Variants in MPDZ observed in about 807,000 individuals in gnomAD.
MPDZ encodes the protein multiple PDZ domain crumbs cell polarity complex component.
Under a neutral mutation model 239.1 loss-of-function variants are expected in MPDZ, and 234 were observed. The ratio of observed to expected loss-of-function variants is 0.98; its 90% CI spans 0.88 to 1.09. MPDZ has a LOEUF of 1.09. Ranked by LOEUF, MPDZ falls within the 50% of genes least tolerant of loss-of-function variation. The pLI, the probability that MPDZ is intolerant of heterozygous loss-of-function variation, is 0.00. For missense variants in MPDZ, 3,175 were observed against 2,510.0 expected, an observed-to-expected ratio of 1.26 and a Z score of -5.66; for synonymous variants, 1,048 against 881.3, an observed-to-expected ratio of 1.19 and a Z score of -3.35.
chr9:13,218,566 C>A (rs529359979), intron 8 of MPDZ, among the ~76,000 whole-genome samples: 3 of 151,788 alleles, frequency 2.0e-5, no homozygotes, highest in African/African-American at 7.2e-5. Context: ...AAATAGCAAC[C>A]AAATTCAATC....
chr9:13,229,769 G>A (rs1462851138), intron 3 of MPDZ, among the ~76,000 whole-genome samples: 1 of 152,048 alleles, frequency 6.6e-6, no homozygotes, highest in African/African-American at 2.4e-5. Flanking sequence ...CCTTAAACCA[G>A]TAAATAATTT....
chr9:13,253,771 G>T (rs574132662), intron 1 of MPDZ, among the ~76,000 whole-genome samples: 2 of 152,294 alleles, frequency 1.3e-5, no homozygotes, highest in South Asian at 4.1e-4. Flanking sequence ...AAAGAGATGA[G>T]CTATGGATAT....
intron 3 of MPDZ, among the ~76,000 whole-genome samples, chr9:13,230,146 C>T (rs866265008): frequency 1.6e-4 from 25 of 152,074 alleles, no homozygotes; most frequent in African/African-American, 4.6e-4. Context: ...AATATCACTG[C>T]GTACCTATCA....
Position 13,115,233 on chromosome 9 carries a change from T to A in MPDZ, c.5466+15A>T, listed in dbSNP as rs759821132. 6.2e-7 allele frequency: 1 copy of A among 1,608,634 alleles called. No homozygotes were observed. The highest frequency in any genetic ancestry group is 1.7e-5 in the Admixed American group (1 of 59,890). ...TGCCGATTGCATCGCCCTGATGAAC[T>A]CCACAGCTACCCACCTGGCTGCTTT... On this transcript the variant is annotated intron_variant, in intron 40 of 46. Transcript: ENST00000319217.
At chr9:13,261,976 T>C (rs1425895443) in intron 1 of MPDZ, among the ~76,000 whole-genome samples, 5 of 151,720 alleles carry the variant, frequency 3.3e-5, no homozygotes, top group Non-Finnish European at 4.4e-5. Context: ...GCCCAGGAGA[T>C]TGAGGCTATA....
intron 3 of MPDZ, among the ~76,000 whole-genome samples, chr9:13,243,994 C>T (rs1423036299): frequency 6.6e-6 from 1 of 152,164 alleles, no homozygotes; most frequent in Non-Finnish European, 1.5e-5. Flanking sequence ...ATTATTTCTC[C>T]AATCTTGGAA....
intron 1 of MPDZ, chr9:13,274,375 G>C (rs190768034): frequency 2.8e-4 from 42 of 151,432 alleles, no homozygotes; most frequent in African/African-American, 9.9e-4. Flanking sequence ...AGGCAGAGTG[G>C]TTTACAAGAA....
At chr9:13,248,447 A>G (rs1295989676) in intron 2 of MPDZ, among the ~76,000 whole-genome samples, 2 of 152,168 alleles carry the variant, frequency 1.3e-5, no homozygotes, top group African/African-American at 4.8e-5. Flanking sequence ...TTGAGTAACT[A>G]TGTCCTACTA....
chr9:13,161,798 C>G (rs1241770000), intron 23 of MPDZ, among the ~76,000 whole-genome samples: 4 of 152,106 alleles, frequency 2.6e-5, no homozygotes, highest in Non-Finnish European at 5.9e-5. Flanking sequence ...AGCATCAAAA[C>G]CCAGTTCCTG....
chr9:13,230,633 AAT>A (rs1216978754), intron 3 of MPDZ, among the ~76,000 whole-genome samples: 2 of 152,160 alleles, frequency 1.3e-5, no homozygotes, highest in Non-Finnish European at 2.9e-5. Flanking sequence ...AAAGTGGTTA[AAT>A]ATGACTATAA....
rs764834512 is a variant in MPDZ, at chr9:13,123,176, C to G, written c.4930G>C (p.Val1644Leu). ...ACCAGCAGCGTGTCTGAACCCCCAA[C>G]GATGCTCAGGCCCAGCCCTGTTCGC... ...KGRTGLGLSI[V>L]GGSDTLLGAI... The change falls in exon 36 of 47, where the codon GTT (valine) becomes CTT (leucine). Residue 1644 changes from valine to leucine, a missense_variant. Val to Leu is a conservative substitution (Grantham distance 32). Coordinates refer to ENST00000319217, the MANE Select transcript of MPDZ (RefSeq NM_001378778.1). The G allele has an allele frequency of 6.2e-7, 1 of 1,612,588 alleles. No homozygotes were observed.
Position 13,150,504 on chromosome 9 carries a change from A to C in MPDZ, c.3630+7T>G, listed in dbSNP as rs779929274. The C allele has an allele frequency of 1.3e-6, 2 of 1,526,590 alleles. No individual in the cohort carries two copies. Among genetic ancestry groups the C allele is most frequent in the African/African-American group, 2.8e-5 (2 of 71,552 alleles). 94.6% of individuals were successfully genotyped at this position (1,526,590 alleles called of 1,614,324 possible). ...AATTTTAGCACAGAAAGCTCACTAGAGGGTACCTCTACGATTCTATCTCCA... is the reference window on the plus strand; with the variant it reads ...AATTTTAGCACAGAAAGCTCACTAGCGGGTACCTCTACGATTCTATCTCCA... On this transcript the variant is annotated splice_region_variant and intron_variant, in intron 25 of 46. Transcript: ENST00000319217.
At chr9:13,220,181 A>G (rs1958917163) in intron 7 of MPDZ, among the ~76,000 whole-genome samples, 1 of 152,020 alleles carries the variant, frequency 6.6e-6, no homozygotes, top group Non-Finnish European at 1.5e-5. Context: ...AGAAAGCATT[A>G]TATTAATATC....
chr9:13,177,179 T>C (rs1334881565), intron 19 of MPDZ, among the ~76,000 whole-genome samples: 3 of 152,144 alleles, frequency 2.0e-5, no homozygotes, highest in Non-Finnish European at 4.4e-5. Context: ...CTTGAGTGCT[T>C]TGGGAAAGCA....
At chr9:13,204,175 G>A (rs1368771547) in intron 12 of MPDZ, among the ~76,000 whole-genome samples, 1 of 152,152 alleles carries the variant, frequency 6.6e-6, no homozygotes, top group Non-Finnish European at 1.5e-5. Context: ...GATCAGTCTT[G>A]TATTCTGTTC....
intron 22 of MPDZ, among the ~76,000 whole-genome samples, chr9:13,167,810 T>G (rs1276399092): frequency 2.0e-5 from 3 of 152,098 alleles, no homozygotes; most frequent in African/African-American, 7.2e-5. Context: ...ATTGGAAATT[T>G]TAAGCACTTC....
At chr9:13,263,783 C>A (rs923426675) in intron 1 of MPDZ, among the ~76,000 whole-genome samples, 2 of 151,904 alleles carry the variant, frequency 1.3e-5, no homozygotes, top group African/African-American at 4.8e-5. Context: ...AAAACCCCAC[C>A]TTTGTGAATT....
chr9:13,183,184 G>C (rs1953600858), intron 19 of MPDZ, among the ~76,000 whole-genome samples: 1 of 151,914 alleles, frequency 6.6e-6, no homozygotes, highest in Non-Finnish European at 1.5e-5. Context: ...TCAAAGCTTT[G>C]AGCCTCTGTA....
intron 2 of MPDZ, 118 bp from the exon 3 acceptor site, chr9:13,247,919 CT>C: frequency 1.0e-6 from 1 of 998,192 alleles, no homozygotes; most frequent in South Asian, 2.1e-5. Flanking sequence ...AAAATTGTCT[CT>C]TTTAAATTGA....
Sources: allele counts gnomAD v4.1 joint callset (sites outside exome capture counted in the v4.1 genomes callset), GRCh38; gene constraint gnomAD v4.1.1; transcripts MANE v1.5; gene names NCBI Gene and HGNC (gene_info 2026-07-23, HGNC 2026-07-21).